MCPH1: variants seen among roughly 807,000 people sequenced by gnomAD.
MCPH1 encodes the protein microcephalin.
In MCPH1, 104 loss-of-function variants were observed where a neutral mutation model predicts 84.5. The ratio of observed to expected loss-of-function variants is 1.23; its 90% confidence interval spans 1.05 to 1.45. MCPH1 has a LOEUF of 1.45. MCPH1 is among the 40% of genes most tolerant of loss of function. The pLI is 0.00. For synonymous variants in MCPH1, 514 were observed against 366.8 expected, an observed-to-expected ratio of 1.40 and a Z score of -4.58; for missense variants, 1,498 against 1,005.7, an observed-to-expected ratio of 1.49 and a Z score of -6.62.
At chr8:6,639,329 G>T (rs1447161411) in intron 13 of MCPH1, among the ~76,000 whole-genome samples, 2 of 152,182 alleles carry the variant, frequency 1.3e-5, no homozygotes, top group African/African-American at 4.8e-5. Flanking sequence ...AGATAGAAGT[G>T]TATCTTCTAG....
chr8:6,462,625 G>C (rs1182152122), intron 9 of MCPH1, among the ~76,000 whole-genome samples: 1 of 152,220 alleles, frequency 6.6e-6, no homozygotes, highest in African/African-American at 2.4e-5. Flanking sequence ...CCCAGAGCCA[G>C]ATGCCTGGGT....
At chr8:6,562,578 T>TTTTTTTTTTTAAA in intron 12 of MCPH1, 1 of 880,188 alleles carries the variant, frequency 1.1e-6, no homozygotes, top group Non-Finnish European at 1.6e-6. Context: ...TTTTGGTTGT[T>TTTTTTTTTTTAAA]AAAACCTGAG....
intron 8 of MCPH1, among the ~76,000 whole-genome samples, chr8:6,452,329 T>G (rs781276759): frequency 4.6e-5 from 7 of 152,232 alleles, no homozygotes; most frequent in Non-Finnish European, 1.0e-4. Context: ...GTGTTTGCAT[T>G]TTGATGGTAT....
At chr8:6,414,451 T>G (rs1264032165) in intron 2 of MCPH1, among the ~76,000 whole-genome samples, 1 of 152,246 alleles carries the variant, frequency 6.6e-6, no homozygotes, top group African/African-American at 2.4e-5. Context: ...ATCTGACTCT[T>G]TCCATCTTTA....
intron 8 of MCPH1, among the ~76,000 whole-genome samples, chr8:6,450,566 T>G (rs1804976599): frequency 6.6e-6 from 1 of 150,732 alleles, no homozygotes; most frequent in African/African-American, 2.4e-5. Context: ...CTGCAATATT[T>G]AAGCCAATTC....
rs115777631 is a variant in MCPH1 at position 6,631,880 on chromosome 8, G to C, written c.2452+10189G>C. The stretch of plus-strand genomic sequence containing the variant: ...AAAGCAGGATCTCAAAAGAATAATT[G>C]TACATCCACATTTATAGCAGCATTG... On this transcript the variant is annotated intron_variant, in intron 13 of 13. Transcript: ENST00000344683. Among the ~76,000 whole-genome samples, 797 of 152,284 alleles carry C rather than the reference G, an allele frequency of 5.2e-3. 8 individuals are homozygous for C. The highest frequency in any genetic ancestry group is 0.018 in the African/African-American group (757 of 41,544).
chr8:6,551,536 G>T (rs959861081), intron 12 of MCPH1, among the ~76,000 whole-genome samples: 2 of 152,154 alleles, frequency 1.3e-5, no homozygotes, highest in African/African-American at 2.4e-5. Context: ...TGTTTGAGGG[G>T]CTGGTGTTCT....
intron 12 of MCPH1, among the ~76,000 whole-genome samples, chr8:6,529,670 G>T (rs1219074077): frequency 7.8e-6 from 1 of 128,882 alleles, no homozygotes; most frequent in Non-Finnish European, 1.6e-5. Context: ...TCACCATGTT[G>T]CTCAAGCTGG....
intron 12 of MCPH1, among the ~76,000 whole-genome samples, chr8:6,601,937 T>C (rs1316620248): frequency 2.0e-5 from 3 of 152,264 alleles, no homozygotes; most frequent in African/African-American, 7.2e-5. Flanking sequence ...AATACTATCA[T>C]ATAAAAAGGG....
intron 8 of MCPH1, chr8:6,446,875 C>G: frequency 2.0e-6 from 2 of 984,978 alleles, no homozygotes; most frequent in South Asian, 9.4e-5. Flanking sequence ...TTCTAGAACA[C>G]TGCCCCCCTG....
intron 12 of MCPH1, among the ~76,000 whole-genome samples, chr8:6,593,191 C>T (rs2129577773): frequency 6.8e-6 from 1 of 146,198 alleles, no homozygotes; most frequent in East Asian, 2.2e-4. Flanking sequence ...TCAAGTGATT[C>T]TCGTGCCTCA....
intron 11 of MCPH1, among the ~76,000 whole-genome samples, chr8:6,486,191 C>T (rs796692841): frequency 6.6e-6 from 1 of 151,958 alleles, no homozygotes; most frequent in African/African-American, 2.4e-5. Flanking sequence ...TTCACAGTTC[C>T]AATTTCTTTT....
chr8:6,609,481 CT>C (rs1271924389), intron 12 of MCPH1, among the ~76,000 whole-genome samples: 2 of 152,218 alleles, frequency 1.3e-5, no homozygotes, highest in Non-Finnish European at 1.5e-5. Context: ...TCAAATGATG[CT>C]TTAAAAAAAT....
intron 8 of MCPH1, among the ~76,000 whole-genome samples, chr8:6,451,443 A>C (rs78903142): frequency 6.6e-6 from 1 of 152,260 alleles, no homozygotes; most frequent in Non-Finnish European, 1.5e-5. Context: ...TACTTTACAC[A>C]CAAGTATCAG....
chr8:6,628,897 G>A (rs1349525973), intron 13 of MCPH1, among the ~76,000 whole-genome samples: 5 of 152,228 alleles, frequency 3.3e-5, no homozygotes, highest in Admixed American at 3.3e-4. Context: ...GGTTATGACT[G>A]TAGGAGAGAT....
At chr8:6,464,740 A>G (rs915072156) in intron 9 of MCPH1, among the ~76,000 whole-genome samples, 3 of 152,198 alleles carry the variant, frequency 2.0e-5, no homozygotes, top group Non-Finnish European at 4.4e-5. Flanking sequence ...GCTCACGCCT[A>G]TAATCCCAGC....
chr8:6,614,093 G>A (rs1371005487), intron 12 of MCPH1, among the ~76,000 whole-genome samples: 1 of 152,064 alleles, frequency 6.6e-6, no homozygotes, highest in Admixed American at 6.5e-5. Context: ...ACATTGTCAC[G>A]TGTAACTCTA....
intron 8 of MCPH1, 183 bp downstream of exon 8, chr8:6,445,730 G>A (rs1359827379): frequency 2.6e-5 from 37 of 1,401,890 alleles, no homozygotes; most frequent in Non-Finnish European, 3.1e-5. Flanking sequence ...TTGCTGTCTT[G>A]TGGAACTTCT....
intron 13 of MCPH1, chr8:6,625,330 G>C: frequency 5.1e-6 from 5 of 985,404 alleles, no homozygotes; most frequent in Non-Finnish European, 6.0e-6. Context: ...GCAGATTGAC[G>C]GTATCCATGG....
Sources: gnomAD v4.1 joint callset for allele counts (sites outside exome capture counted in the v4.1 genomes callset) on GRCh38, gnomAD v4.1.1 for gene constraint, MANE v1.5 for transcripts, NCBI Gene and HGNC (gene_info 2026-07-23, HGNC 2026-07-21) for gene names.